PIWIL1: variants seen among roughly 807,000 people sequenced by gnomAD.
PIWIL1 encodes the protein piwi-like protein 1.
PIWIL1 carries 73 observed loss-of-function variants against 114.4 expected under a neutral mutation model. The ratio of observed to expected loss-of-function variants is 0.64; its 90% CI spans 0.53 to 0.78. The LOEUF (loss-of-function observed/expected upper bound fraction) is 0.78, where lower values mean the gene tolerates loss of function less well. Ranked by LOEUF, PIWIL1 falls within the 30% of genes least tolerant of loss-of-function variation. PIWIL1 has a pLI of 0.00. For synonymous variants in PIWIL1, 375 were observed against 369.0 expected (o/e 1.02, Z -0.19); for missense variants, 723 against 1,063.1 (o/e 0.68, Z 4.45).
chr12:130,411,223 T>TGTTA, the PIWIL1 span, among the ~76,000 whole-genome samples: 15 of 152,358 alleles, frequency 9.8e-5, no homozygotes, highest in Non-Finnish European at 1.8e-4. Flanking sequence ...ACACTCCATT[T>TGTTA]GTTAGTTCTA....
At chr12:130,342,138 C>A in intron 1 of PIWIL1, 1 of 158,636 alleles carries the variant, frequency 6.3e-6, no homozygotes, top group Non-Finnish European at 1.4e-5. Flanking sequence ...GGGACACTTG[C>A]CACAAGTGCC....
the PIWIL1 span, among the ~76,000 whole-genome samples, chr12:130,402,699 A>T: frequency 6.6e-6 from 1 of 152,182 alleles, no homozygotes; most frequent in African/African-American, 2.4e-5. Context: ...ACAGAATGGG[A>T]ATAGGCTGAA....
At chr12:130,408,374 GCT>G in the PIWIL1 span, among the ~76,000 whole-genome samples, 1 of 152,224 alleles carries the variant, frequency 6.6e-6, no homozygotes, top group East Asian at 1.9e-4. Context: ...CAGCCCAGTG[GCT>G]TCCCTCATGC....
At chr12:130,346,877 T>C (rs868119194) in intron 5 of PIWIL1, 64 bp from the exon 6 acceptor site, 3 of 1,569,436 alleles carry the variant, frequency 1.9e-6, no homozygotes, top group African/African-American at 2.7e-5. Context: ...GCAAGCAGTA[T>C]GTGATTGGGC....
chr12:130,406,093 C>T, the PIWIL1 span: 79 of 908,590 alleles, frequency 8.7e-5, no homozygotes, highest in East Asian at 1.2e-3. Context: ...AGAGAAGGAA[C>T]GGACTAGCAA....
chr12:130,424,180 G>C, the PIWIL1 span: 26 of 1,231,940 alleles, frequency 2.1e-5, no homozygotes, highest in African/African-American at 2.5e-4. The surrounding 1 kb of genome is among the most constrained non-coding windows in gnomAD (Gnocchi z 9.8). Flanking sequence ...GGCTTTGCGT[G>C]GGGGGCAGCT....
chr12:130,370,343 T>A (rs1052619901), intron 19 of PIWIL1, among the ~76,000 whole-genome samples: 1 of 152,128 alleles, frequency 6.6e-6, no homozygotes, highest in Non-Finnish European at 1.5e-5. Context: ...CAACCTCGGA[T>A]CAAAAATACT....
At chr12:130,378,924 T>A in the PIWIL1 span, among the ~76,000 whole-genome samples, 1 of 152,234 alleles carries the variant, frequency 6.6e-6, no homozygotes, top group Admixed American at 6.5e-5. Flanking sequence ...TTAAGTATCA[T>A]TCGAAGAGAA....
chr12:130,360,201 C>T (rs1391435358), intron 14 of PIWIL1, among the ~76,000 whole-genome samples: 1 of 152,164 alleles, frequency 6.6e-6, no homozygotes, highest in Non-Finnish European at 1.5e-5. Context: ...TCATGTCACA[C>T]TTTAGATCCC....
the PIWIL1 span, among the ~76,000 whole-genome samples, chr12:130,422,037 G>C: frequency 6.6e-6 from 1 of 152,194 alleles, no homozygotes; most frequent in Non-Finnish European, 1.5e-5. The surrounding 1 kb of genome is among the most constrained non-coding windows in gnomAD (Gnocchi z 5.2). Flanking sequence ...TGCTGCCAGC[G>C]TGTCTTCTGC....
chr12:130,352,023 G>A (rs1336228336), intron 9 of PIWIL1, among the ~76,000 whole-genome samples: 1 of 152,126 alleles, frequency 6.6e-6, no homozygotes, highest in African/African-American at 2.4e-5. Context: ...ATAGGGTTGT[G>A]TCCCCTCTGT....
the PIWIL1 span, chr12:130,407,678 G>A: frequency 1.4e-6 from 2 of 1,429,254 alleles, no homozygotes; most frequent in Non-Finnish European, 2.0e-6. Flanking sequence ...ACGAGGGAAG[G>A]GAAGGGTGTG....
the PIWIL1 span, chr12:130,399,647 A>G: frequency 6.2e-7 from 1 of 1,612,436 alleles, no homozygotes; most frequent in African/African-American, 1.3e-5. Flanking sequence ...AGAACGGGAC[A>G]GAGATTAAAA....
At chr12:130,340,736 G>A (rs761232896) in intron 1 of PIWIL1, among the ~76,000 whole-genome samples, 3 of 151,868 alleles carry the variant, frequency 2.0e-5, no homozygotes. Context: ...ACTTTCATGC[G>A]CCAGTATGCC....
the PIWIL1 span, among the ~76,000 whole-genome samples, chr12:130,417,707 G>T: frequency 2.0e-5 from 3 of 152,218 alleles, no homozygotes; most frequent in Admixed American, 2.0e-4. Context: ...ACCTGCACAT[G>T]TACCCCAGTG....
At chr12:130,353,532 G>C (rs557333821) in intron 9 of PIWIL1, among the ~76,000 whole-genome samples, 1 of 152,252 alleles carries the variant, frequency 6.6e-6, no homozygotes, top group East Asian at 1.9e-4. Flanking sequence ...GAGACACAGA[G>C]CCAGAACCTG....
rs1310970971 is a variant in PIWIL1, at chr12:130,347,063, G to A, written c.653+1G>A. On this transcript the variant is annotated splice_donor_variant, in intron 6 of 20. Coordinates refer to ENST00000245255, the MANE Select transcript of PIWIL1 (RefSeq NM_004764.5). LOFTEE classifies it high-confidence loss of function. Reference sequence around the variant, plus strand: ...AGTTCTATAATATTATTTTCAGGAGGTATGTGTTTTATTTCAACATTTTAT... The same window carrying A: ...AGTTCTATAATATTATTTTCAGGAGATATGTGTTTTATTTCAACATTTTAT... 11 of 1,599,140 alleles carry A rather than the reference G, an allele frequency of 6.9e-6. No individual in the cohort carries two copies. The highest frequency in any genetic ancestry group is 6.0e-6 in the Non-Finnish European group (7 of 1,172,118).
chr12:130,414,582 G>A, the PIWIL1 span: 1 of 287,756 alleles, frequency 3.5e-6, no homozygotes. Context: ...AGCACAGGCT[G>A]GGGCAGGGGC....
intron 20 of PIWIL1, 74 bp downstream of exon 20, chr12:130,371,397 A>G: frequency 1.2e-6 from 2 of 1,611,386 alleles, no homozygotes; most frequent in Non-Finnish European, 1.7e-6. Flanking sequence ...CTGTGGTTTA[A>G]AAGGCTTTTA....
Sources: allele counts gnomAD v4.1 joint callset (sites outside exome capture counted in the v4.1 genomes callset), GRCh38; gene constraint gnomAD v4.1.1; non-coding constraint Gnocchi (gnomAD v3.1); transcripts MANE v1.5; gene names NCBI Gene and HGNC (gene_info 2026-07-23, HGNC 2026-07-21).